Variants in MANBA observed in about 807,000 individuals in gnomAD.
MANBA encodes the protein mannosidase beta.
A neutral mutation model predicts 111.1 loss-of-function variants in MANBA; 83 were observed. That is an observed-to-expected ratio of 0.75 (90% CI 0.63 to 0.90). The LOEUF (loss-of-function observed/expected upper bound fraction) is 0.90, where lower values mean the gene tolerates loss of function less well. MANBA is among the 40% of genes least tolerant of loss of function. The probability of loss-of-function intolerance (pLI) is 0.00; values close to 1 mark genes in which losing one functional copy is unlikely to be tolerated. For missense variants in MANBA, 1,036 were observed against 1,069.0 expected (o/e 0.97, Z 0.43); for synonymous variants, 370 against 378.7 (o/e 0.98, Z 0.27).
intron 4 of MANBA, among the ~76,000 whole-genome samples, chr4:102,719,375 C>T (rs1005359860): frequency 2.0e-5 from 3 of 152,144 alleles, no homozygotes; most frequent in Admixed American, 6.5e-5. Context: ...CCCTGAAAAT[C>T]GCCGTTATTC....
At chr4:102,635,150 A>G in intron 15 of MANBA, 105 bp from the exon 16 acceptor site, 1 of 1,322,254 alleles carries the variant, frequency 7.6e-7, no homozygotes. Flanking sequence ...AGAAATGGTT[A>G]AGAGACTATG....
At chr4:102,709,275 AAAG>A (rs1207764298) in intron 5 of MANBA, among the ~76,000 whole-genome samples, 6 of 63,634 alleles carry the variant, frequency 9.4e-5, no homozygotes, top group Non-Finnish European at 1.9e-4. Flanking sequence ...GAGAGAAAGA[AAAG>A]AAAGAAAGGA....
At chr4:102,729,465 C>T (rs771366822) in intron 1 of MANBA, 5 of 1,280,916 alleles carry the variant, frequency 3.9e-6, no homozygotes, top group Non-Finnish European at 5.6e-6. Flanking sequence ...AGATCTGGGA[C>T]TGCAGCTCCT....
At chr4:102,668,303 T>C (rs1292673102) in intron 10 of MANBA, 1 of 153,564 alleles carries the variant, frequency 6.5e-6, no homozygotes, top group African/African-American at 2.4e-5. Flanking sequence ...AAAGAAGATA[T>C]CCAGGATCAT....
chr4:102,743,057 G>A (rs1022551483), intron 1 of MANBA, among the ~76,000 whole-genome samples: 2 of 152,212 alleles, frequency 1.3e-5, no homozygotes, highest in Non-Finnish European at 2.9e-5. Flanking sequence ...TGGGGAAAGA[G>A]GCTGAGTGTT....
chr4:102,727,384 G>GCTCA, intron 1 of MANBA: 1 of 824,612 alleles, frequency 1.2e-6, no homozygotes, highest in East Asian at 2.4e-5. Context: ...ACTTCTTGCT[G>GCTCA]CTCACTGATG....
chr4:102,649,398 G>A (rs963457368), intron 13 of MANBA, among the ~76,000 whole-genome samples: 24 of 152,104 alleles, frequency 1.6e-4, no homozygotes, highest in South Asian at 8.3e-4. Context: ...CAGCTGTCTC[G>A]CTTCCTCACC....
chr4:102,710,872 A>G (rs1357570419), intron 5 of MANBA, among the ~76,000 whole-genome samples: 1 of 152,118 alleles, frequency 6.6e-6, no homozygotes, highest in Non-Finnish European at 1.5e-5. Flanking sequence ...ACCCTCTTCA[A>G]TCCTCTTCAA....
chr4:102,637,294 G>C (rs577207979), intron 14 of MANBA, among the ~76,000 whole-genome samples: 1 of 152,286 alleles, frequency 6.6e-6, no homozygotes, highest in East Asian at 1.9e-4. Flanking sequence ...CTCAAAAGCA[G>C]GCCTCAGAAA....
At chr4:102,656,064 A>G (rs955755471) in intron 12 of MANBA, among the ~76,000 whole-genome samples, 1 of 152,102 alleles carries the variant, frequency 6.6e-6, no homozygotes, top group African/African-American at 2.4e-5. Context: ...ACCAGCCTGG[A>G]TGATTTGGTG....
At chr4:102,733,873 G>A (rs1189511774) in intron 1 of MANBA, among the ~76,000 whole-genome samples, 2 of 152,168 alleles carry the variant, frequency 1.3e-5, no homozygotes, top group Non-Finnish European at 2.9e-5. Flanking sequence ...AACTACATTT[G>A]TTGTAATTTT....
At position 102,737,992 on chromosome 4, in the gene MANBA, C is replaced by T. The variant is rs1289061613; in HGVS notation, c.178-11309G>A. Among the ~76,000 whole-genome samples, 4 of 152,312 alleles carry T rather than the reference C, an allele frequency of 2.6e-5. No individual in the cohort carries two copies. In the South Asian group the frequency reaches 6.2e-4, roughly 24 times the overall value. On this transcript the variant is annotated intron_variant, in intron 1 of 16. Transcript: ENST00000647097. ...AGACCTGGTCGCCAAAGACAAATGA[C>T]ATAAACCCTTGGGACCTCTATGGTC...
intron 12 of MANBA, among the ~76,000 whole-genome samples, chr4:102,654,011 C>T (rs1730452862): frequency 6.6e-6 from 1 of 152,186 alleles, no homozygotes; most frequent in South Asian, 2.1e-4. Context: ...CTACCCACTC[C>T]ACTTTGCCTG....
rs1560734265 is a variant in MANBA, at chr4:102,631,106, T to TGTGTGTGTG, written c.*950_*951insCACACACAC. ...GTCCCCTTATCCCCTTGATAAGGCT[T>TGTGTGTGTG]TGTGTGTGTGTGTGTGTGTGTGTGT... On this transcript the variant is annotated 3_prime_UTR_variant, in exon 17 of 17. Coordinates refer to ENST00000647097, the MANE Select transcript of MANBA (RefSeq NM_005908.4). 5 of 73,094 alleles carry TGTGTGTGTG rather than the reference T, an allele frequency of 6.8e-5. No individual in the cohort carries two copies. Among genetic ancestry groups the TGTGTGTGTG allele is most frequent in the South Asian group, 3.9e-4 (1 of 2,570 alleles). The allele number at this position is 73,094 out of a possible 1,614,324, so 4.5% of individuals were successfully genotyped here. A position where few individuals can be genotyped will look rare whatever the true frequency, so the allele number is the denominator to read the frequency against.
At chr4:102,643,228 A>G (rs1729958425) in intron 13 of MANBA, among the ~76,000 whole-genome samples, 1 of 152,152 alleles carries the variant, frequency 6.6e-6, no homozygotes, top group African/African-American at 2.4e-5. Flanking sequence ...GGCTTCTGTG[A>G]CTGGCTTCCT....
Position 102,669,017 on chromosome 4 carries a change from A to G in MANBA, c.1263T>C (p.Leu421=). 1 of 1,613,754 alleles carries G rather than the reference A, an allele frequency of 6.2e-7. No individual in the cohort carries two copies. Among genetic ancestry groups the G allele is most frequent in the Non-Finnish European group, 8.5e-7 (1 of 1,179,806 alleles). ...VWQDFMFACA[L]YPTDQGFLDS... is the part of the protein sequence containing the mutation. ...CCAGGAAGCCCTGATCAGTTGGATA[A>G]AGGGCACAGGCAAACATAAAATCCT... Residue 421 remains leucine, a synonymous_variant, in exon 10 of 17, where the codon CTT becomes CTC. Coordinates refer to ENST00000647097, the MANE Select transcript of MANBA (RefSeq NM_005908.4).
At chr4:102,728,284 C>T (rs1352920646) in intron 1 of MANBA, 1 of 535,690 alleles carries the variant, frequency 1.9e-6, no homozygotes, top group East Asian at 5.4e-5. Context: ...TGTTGCTCTG[C>T]TTTCCCACCT....
chr4:102,680,016 T>G (rs1261456566), intron 7 of MANBA, among the ~76,000 whole-genome samples: 1 of 152,206 alleles, frequency 6.6e-6, no homozygotes, highest in Admixed American at 6.5e-5. Flanking sequence ...ACTATTTGAT[T>G]AATTGCTGTA....
intron 4 of MANBA, among the ~76,000 whole-genome samples, chr4:102,720,845 C>T (rs1231144673): frequency 6.6e-6 from 1 of 152,094 alleles, no homozygotes; most frequent in South Asian, 2.1e-4. Context: ...TAGGTTGAAT[C>T]AAACAGGAGG....
Sources: allele counts gnomAD v4.1 joint callset (sites outside exome capture counted in the v4.1 genomes callset), GRCh38; gene constraint gnomAD v4.1.1; transcripts MANE v1.5; gene names NCBI Gene and HGNC (gene_info 2026-07-23, HGNC 2026-07-21).